SPTLC2: variants seen among roughly 807,000 people sequenced by gnomAD.
SPTLC2 encodes serine palmitoyltransferase long chain base subunit 2.
A neutral mutation model predicts 62.0 loss-of-function variants in SPTLC2; 21 were observed. That is an observed-to-expected ratio of 0.34 (90% CI 0.24 to 0.49). SPTLC2 has a LOEUF of 0.49. Ranked by LOEUF, SPTLC2 falls within the 20% of genes least tolerant of loss-of-function variation. The pLI is 0.99. For missense variants in SPTLC2, 511 were observed against 713.0 expected, an observed-to-expected ratio of 0.72 and a Z score of 3.23; for synonymous variants, 261 against 261.8, an observed-to-expected ratio of 1.00 and a Z score of 0.03.
Position 77,597,470 on chromosome 14 carries a change from T to C in SPTLC2, c.133-90A>G, listed in dbSNP as rs1356808544. On this transcript the variant is annotated intron_variant, in intron 1 of 11. Coordinates refer to ENST00000216484, the MANE Select transcript of SPTLC2 (RefSeq NM_004863.4). ...AGGTCCTTAGAGATTTGCTGAATTA[T>C]ACCTTAAGAATTTTCTAAGTTCCGC... 18 of 1,265,604 alleles carry C rather than the reference T, an allele frequency of 1.4e-5. No individual in the cohort carries two copies. In the East Asian group the frequency reaches 3.8e-4, roughly 27 times the overall value. 78.4% of individuals were successfully genotyped at this position (1,265,604 alleles called of 1,614,324 possible).
At position 77,508,073 on chromosome 14, in the gene SPTLC2, G is replaced by A. The variant is rs1402747927; in HGVS notation, c.*4211C>T. ...AGCCAGGGTCTCACTCTGTCACCCA[G>A]GCTGGAGTGCAGGGGTGCAATCATG... is the stretch of plus-strand genomic sequence containing the variant. On this transcript the variant is annotated 3_prime_UTR_variant, in exon 12 of 12. Coordinates refer to ENST00000216484, the MANE Select transcript of SPTLC2 (RefSeq NM_004863.4). 1 of 152,242 alleles carries A rather than the reference G, an allele frequency of 6.6e-6. No individual in the cohort carries two copies. Among genetic ancestry groups the A allele is most frequent in the Non-Finnish European group, 1.5e-5 (1 of 68,136 alleles). The allele number at this position is 152,242 out of a possible 1,614,324, so 9.4% of individuals were successfully genotyped here. A position where few individuals can be genotyped will look rare whatever the true frequency, so the allele number is the denominator to read the frequency against.
intron 3 of SPTLC2, among the ~76,000 whole-genome samples, chr14:77,577,319 TA>T (rs1392377159): frequency 6.6e-6 from 1 of 152,110 alleles, no homozygotes; most frequent in Non-Finnish European, 1.5e-5. Flanking sequence ...GTTCTTCAGA[TA>T]CAGAGACCAG....
In SPTLC2 at chr14:77,597,392, G is replaced by A. The variant is rs2079853345; in HGVS notation, c.133-12C>T. The A allele has an allele frequency of 6.2e-7, 1 of 1,608,374 alleles. No individual in the cohort carries two copies. The highest frequency in any genetic ancestry group is 1.1e-5 in the South Asian group (1 of 90,970). On this transcript the variant is annotated splice_polypyrimidine_tract_variant and intron_variant, in intron 1 of 11. Coordinates refer to ENST00000216484, the MANE Select transcript of SPTLC2 (RefSeq NM_004863.4). Reference sequence around the variant, plus strand: ...GTAACATGATGGATCTAAAAGAGAGGTTAAAAATGTTTATTTCCATCATGG... The same window carrying A: ...GTAACATGATGGATCTAAAAGAGAGATTAAAAATGTTTATTTCCATCATGG...
chr14:77,549,731 G>A (rs1346571821), intron 9 of SPTLC2, among the ~76,000 whole-genome samples: 1 of 152,140 alleles, frequency 6.6e-6, no homozygotes, highest in Non-Finnish European at 1.5e-5. Flanking sequence ...GGTGGCTAGA[G>A]GCAAAAACTA....
At chr14:77,604,545 A>C (rs990437557) in intron 1 of SPTLC2, among the ~76,000 whole-genome samples, 3 of 152,120 alleles carry the variant, frequency 2.0e-5, no homozygotes, top group Admixed American at 2.0e-4. Flanking sequence ...CAGAGCCTGT[A>C]AACTTTAAGG....
intron 9 of SPTLC2, among the ~76,000 whole-genome samples, chr14:77,542,937 C>T (rs2079509152): frequency 6.6e-6 from 1 of 152,158 alleles, no homozygotes; most frequent in African/African-American, 2.4e-5. Context: ...GTTGCTAATG[C>T]ACAGCCAGAA....
chr14:77,524,593 A>G (rs191849310), intron 9 of SPTLC2, among the ~76,000 whole-genome samples: 2 of 152,346 alleles, frequency 1.3e-5, no homozygotes, highest in East Asian at 3.9e-4. Flanking sequence ...ACAAGAGCCA[A>G]ATACGGAATC....
chr14:77,520,241 A>T (rs1406510988), intron 10 of SPTLC2, among the ~76,000 whole-genome samples: 1 of 152,140 alleles, frequency 6.6e-6, no homozygotes, highest in Non-Finnish European at 1.5e-5. Context: ...ATCCTTCCCC[A>T]TCCCCTCTGA....
rs1192838499 is a variant in SPTLC2, at chr14:77,507,168, C to T, written c.*5116G>A. On this transcript the variant is annotated 3_prime_UTR_variant, in exon 12 of 12. Transcript: ENST00000216484. ...CCCTAGAAAAGAGCTGCTTAGAAAACAGATGTCACTGGAAATGACAAAAGG... is the reference window on the plus strand; with the variant it reads ...CCCTAGAAAAGAGCTGCTTAGAAAATAGATGTCACTGGAAATGACAAAAGG... 6.6e-6 allele frequency: 1 copy of T among 152,136 alleles called. No individual in the cohort carries two copies. The highest frequency in any genetic ancestry group is 2.4e-5 in the African/African-American group (1 of 41,422). The allele number at this position is 152,136 out of a possible 1,614,324, so 9.4% of individuals were successfully genotyped here.
At chr14:77,613,290 GAATTA>G (rs1394408654) in intron 1 of SPTLC2, among the ~76,000 whole-genome samples, 5 of 152,172 alleles carry the variant, frequency 3.3e-5, no homozygotes, top group Non-Finnish European at 7.3e-5. Context: ...ATAAAGGACT[GAATTA>G]AATAAACTCC....
At chr14:77,588,229 C>T (rs1021009687) in intron 2 of SPTLC2, among the ~76,000 whole-genome samples, 1 of 152,184 alleles carries the variant, frequency 6.6e-6, no homozygotes, top group Admixed American at 6.5e-5. Flanking sequence ...TGAGCCACCA[C>T]ACCCAGCTGG....
chr14:77,553,601 C>T (rs896890021), intron 8 of SPTLC2, among the ~76,000 whole-genome samples: 16 of 151,542 alleles, frequency 1.1e-4, no homozygotes, highest in Non-Finnish European at 2.2e-4. Context: ...CATGGTGGCA[C>T]GTGCCTGTAG....
intron 1 of SPTLC2, among the ~76,000 whole-genome samples, chr14:77,600,400 C>T (rs1040289829): frequency 6.6e-6 from 1 of 152,156 alleles, no homozygotes; most frequent in African/African-American, 2.4e-5. Flanking sequence ...GACACGCGAG[C>T]CTCTCCAAGG....
rs2079323293 is a variant in SPTLC2 at position 77,509,814 on chromosome 14, A to G, written c.*2470T>C. 2.5e-6 allele frequency: 1 copy of G among 398,166 alleles called. No individual in the cohort carries two copies. The highest frequency in any genetic ancestry group is 4.4e-6 in the Non-Finnish European group (1 of 225,888). 24.7% of individuals were successfully genotyped at this position (398,166 alleles called of 1,614,324 possible). A position where few individuals can be genotyped will look rare whatever the true frequency, so the allele number is the denominator to read the frequency against. ...ACAGAGGTCCTGCATAGATCACAGG[A>G]GATTTGTCTCTTCAAAATAAACTTG... On this transcript the variant is annotated 3_prime_UTR_variant, in exon 12 of 12. Coordinates refer to ENST00000216484, the MANE Select transcript of SPTLC2 (RefSeq NM_004863.4).
chr14:77,557,295 T>C, intron 6 of SPTLC2, 149 bp from the exon 7 acceptor site: 1 of 676,564 alleles, frequency 1.5e-6, no homozygotes, highest in South Asian at 1.8e-5. Flanking sequence ...CAGGGCAAAA[T>C]AGGTGAATTA....
At position 77,509,818 on chromosome 14, in the gene SPTLC2, T is replaced by C. The variant is rs1566764324; in HGVS notation, c.*2466A>G. 2 of 398,192 alleles carry C rather than the reference T, an allele frequency of 5.0e-6. No homozygotes were observed. Among genetic ancestry groups the C allele is most frequent in the Non-Finnish European group, 8.9e-6 (2 of 225,912 alleles). The allele number at this position is 398,192 out of a possible 1,614,324, so 24.7% of individuals were successfully genotyped here. A position where few individuals can be genotyped will look rare whatever the true frequency, so the allele number is the denominator to read the frequency against. ...AGGTCCTGCATAGATCACAGGAGAT[T>C]TGTCTCTTCAAAATAAACTTGTAAC... On this transcript the variant is annotated 3_prime_UTR_variant, in exon 12 of 12. Transcript: ENST00000216484.
chr14:77,562,581 T>A, intron 5 of SPTLC2, 92 bp from the exon 6 acceptor site: 1 of 954,060 alleles, frequency 1.0e-6, no homozygotes, highest in Non-Finnish European at 1.7e-6. Context: ...AATAGCTGTA[T>A]CTTATTAAGG....
At position 77,597,176 on chromosome 14, in the gene SPTLC2, T is replaced by C. The variant is rs1451522717; in HGVS notation, c.327+10A>G. 4.3e-6 allele frequency: 7 copies of C among 1,613,608 alleles called. No homozygotes were observed. Among genetic ancestry groups the C allele is most frequent in the South Asian group, 1.1e-5 (1 of 91,014 alleles). On this transcript the variant is annotated intron_variant, in intron 2 of 11. Coordinates refer to ENST00000216484, the MANE Select transcript of SPTLC2 (RefSeq NM_004863.4). Reference sequence around the variant, plus strand: ...TCTATTTACAGAATCAAAAACTCTCTAACAGTTACCTTTTGTTCTTCTCTT... The same window carrying C: ...TCTATTTACAGAATCAAAAACTCTCCAACAGTTACCTTTTGTTCTTCTCTT...
chr14:77,512,747 G>A lies in SPTLC2; in HGVS notation c.1570-344C>T, dbSNP rs149513797. Among the ~76,000 whole-genome samples, 241 of 152,238 alleles carry A rather than the reference G, an allele frequency of 1.6e-3. 2 individuals are homozygous for A. The highest frequency in any genetic ancestry group is 0.014 in the Middle Eastern group (4 of 294). On this transcript the variant is annotated intron_variant, in intron 11 of 11. Transcript: ENST00000216484. ...CCTTTTGTTTTTGAGATGGAGTATC[G>A]CTCTGTTGCTCAGGCTGGAGTGCTG...
Sources: allele counts gnomAD v4.1 joint callset (sites outside exome capture counted in the v4.1 genomes callset), GRCh38; gene constraint gnomAD v4.1.1; transcripts MANE v1.5; gene names NCBI Gene and HGNC (gene_info 2026-07-23, HGNC 2026-07-21).